Variants in FOSL2 observed in about 807,000 individuals in gnomAD.
FOSL2 encodes the protein fos-related antigen 2.
In FOSL2, 3 loss-of-function variants were observed where a neutral mutation model predicts 27.7. That is an observed-to-expected ratio of 0.11 (90% CI 0.05 to 0.28). The LOEUF is 0.28. Ranked by LOEUF, FOSL2 falls within the 10% of genes least tolerant of loss-of-function variation. The pLI is 1.00. For synonymous variants in FOSL2, 179 were observed against 190.1 expected, an observed-to-expected ratio of 0.94 and a Z score of 0.48; for missense variants, 333 against 445.1, an observed-to-expected ratio of 0.75 and a Z score of 2.27.
At chr2:28,409,630 T>G (rs1035083474) in intron 3 of FOSL2, among the ~76,000 whole-genome samples, 6 of 152,184 alleles carry the variant, frequency 3.9e-5, no homozygotes, top group Non-Finnish European at 8.8e-5. Flanking sequence ...CAGGGTTGAC[T>G]CTCCCCAGTG....
intron 1 of FOSL2, among the ~76,000 whole-genome samples, chr2:28,394,306 T>C (rs1663760324): frequency 6.6e-6 from 1 of 152,012 alleles, no homozygotes; most frequent in African/African-American, 2.4e-5. Flanking sequence ...CTGAAAGGGG[T>C]TGGGGACCCA....
rs1277630910 is a variant in FOSL2, at chr2:28,393,434, C to G, written c.-287C>G. 2 of 393,966 alleles carry G rather than the reference C, an allele frequency of 5.1e-6. No homozygotes were observed. Among genetic ancestry groups the G allele is most frequent in the African/African-American group, 4.3e-5 (2 of 46,318 alleles). 24.4% of individuals were successfully genotyped at this position (393,966 alleles called of 1,614,324 possible). On this transcript the variant is annotated 5_prime_UTR_variant, in exon 1 of 4. Transcript: ENST00000264716. The surrounding 1 kb of genome is among the most constrained non-coding windows in gnomAD (Gnocchi z 4.6). The stretch of plus-strand genomic sequence containing the variant: ...GGGAGGGCGCGCGCAGGGGAGGGAC[C>G]GAGAGACGCGCCGACTTTTTAGAGG...
intron 1 of FOSL2, among the ~76,000 whole-genome samples, chr2:28,401,882 G>A (rs982523688): frequency 1.3e-5 from 2 of 152,180 alleles, no homozygotes; most frequent in Non-Finnish European, 2.9e-5. Flanking sequence ...CCATTGTACT[G>A]GGTAACTTTC....
Position 28,413,666 on chromosome 2 carries a change from CAGGGCA to C in FOSL2, c.*1219_*1224del, listed in dbSNP as rs1364509110. On this transcript the variant is annotated 3_prime_UTR_variant, in exon 4 of 4. Transcript: ENST00000264716. ...CCTGTCCTGGCTGCTCACCTCCCCG[CAGGGCA>C]CCGGGCCTTTCCTGCCCTCTGTGGT... 2.5e-6 allele frequency: 1 copy of C among 398,998 alleles called. No homozygotes were observed. Among genetic ancestry groups the C allele is most frequent in the African/African-American group, 2.1e-5 (1 of 48,658 alleles). 24.7% of individuals were successfully genotyped at this position (398,998 alleles called of 1,614,324 possible). A position where few individuals can be genotyped will look rare whatever the true frequency, so the allele number is the denominator to read the frequency against.
chr2:28,397,929 A>G (rs1460730450), intron 1 of FOSL2, among the ~76,000 whole-genome samples: 2 of 152,248 alleles, frequency 1.3e-5, no homozygotes, highest in Non-Finnish European at 2.9e-5. Flanking sequence ...CGAGTCTGAC[A>G]TACAAGTCTG....
rs1010805920 is a variant in FOSL2 at position 28,417,211 on chromosome 2, T to C, written c.*4763T>C. On this transcript the variant is annotated 3_prime_UTR_variant, in exon 4 of 4. Transcript: ENST00000264716. ...GCTTGCTGCTATGGAAGAAAGAACA[T>C]ATTAAAACTTCTTTCCCTTGCGATT... is the stretch of plus-strand genomic sequence containing the variant. 6.6e-6 allele frequency: 1 copy of C among 152,056 alleles called. No homozygotes were observed. The highest frequency in any genetic ancestry group is 6.6e-5 in the Admixed American group (1 of 15,258). 9.4% of individuals were successfully genotyped at this position (152,056 alleles called of 1,614,324 possible).
At chr2:28,402,367 C>T (rs560150471) in intron 1 of FOSL2, among the ~76,000 whole-genome samples, 2 of 152,368 alleles carry the variant, frequency 1.3e-5, no homozygotes, top group Non-Finnish European at 2.9e-5. Context: ...ATGAGGCAGC[C>T]GTTCCAACAT....
intron 1 of FOSL2, among the ~76,000 whole-genome samples, chr2:28,400,796 G>A (rs1239346018): frequency 6.6e-6 from 1 of 152,220 alleles, no homozygotes; most frequent in Non-Finnish European, 1.5e-5. Context: ...TCCAGAGCGG[G>A]TGGACTAGAG....
At chr2:28,398,378 G>C (rs1663902509) in intron 1 of FOSL2, among the ~76,000 whole-genome samples, 1 of 152,160 alleles carries the variant, frequency 6.6e-6, no homozygotes, top group Non-Finnish European at 1.5e-5. Context: ...TCCCGTGGCA[G>C]TGAGACTTTC....
At chr2:28,397,686 C>T (rs1434595044) in intron 1 of FOSL2, among the ~76,000 whole-genome samples, 1 of 152,218 alleles carries the variant, frequency 6.6e-6, no homozygotes, top group Non-Finnish European at 1.5e-5. Context: ...AATACAAACA[C>T]AGCAGAACTT....
In FOSL2 at chr2:28,392,940, AAGAGGGAGAGAGAG is replaced by A; in HGVS notation, c.-776_-763del. The A allele has an allele frequency of 1.5e-6, 1 of 689,140 alleles. No individual in the cohort carries two copies. Among genetic ancestry groups the A allele is most frequent in the Non-Finnish European group, 2.7e-6 (1 of 368,376 alleles). 42.7% of individuals were successfully genotyped at this position (689,140 alleles called of 1,614,324 possible). A position where few individuals can be genotyped will look rare whatever the true frequency, so the allele number is the denominator to read the frequency against. On this transcript the variant is annotated 5_prime_UTR_variant, in exon 1 of 4. Coordinates refer to ENST00000264716, the MANE Select transcript of FOSL2 (RefSeq NM_005253.4). ...ACGAGCGGCGCTCGGCGGGGACAGA[AAGAGGGAGAGAGAG>A]AGAGAGAGAGAGGGAGAGGCGCGGC... is the stretch of plus-strand genomic sequence containing the variant.
At position 28,416,375 on chromosome 2, in the gene FOSL2, T is replaced by G. The variant is rs1276829304; in HGVS notation, c.*3927T>G. 6.6e-6 allele frequency: 1 copy of G among 152,184 alleles called. No individual in the cohort carries two copies. The highest frequency in any genetic ancestry group is 1.5e-5 in the Non-Finnish European group (1 of 68,036). The allele number at this position is 152,184 out of a possible 1,614,324, so 9.4% of individuals were successfully genotyped here. ...TTGACATTTATTTTATTATTTATTTTAAATGTTTACATCTTCTTTATGTTG... is the reference window on the plus strand; with the variant it reads ...TTGACATTTATTTTATTATTTATTTGAAATGTTTACATCTTCTTTATGTTG... On this transcript the variant is annotated 3_prime_UTR_variant, in exon 4 of 4. Coordinates refer to ENST00000264716, the MANE Select transcript of FOSL2 (RefSeq NM_005253.4).
At chr2:28,411,323 T>C (rs762971557) in intron 3 of FOSL2, among the ~76,000 whole-genome samples, 12 of 152,150 alleles carry the variant, frequency 7.9e-5, no homozygotes, top group Non-Finnish European at 1.5e-4. Context: ...GCTTAGCGTT[T>C]ATCCATCCAC....
chr2:28,393,862 C>T lies in FOSL2; in HGVS notation c.102+40C>T, dbSNP rs768260514. Reference sequence around the variant, plus strand: ...CGGTGCACCTGGCGGCGCGGGCGGACCCCTGCCCTCTTCTCGCCGCCACTG... The same window carrying T: ...CGGTGCACCTGGCGGCGCGGGCGGATCCCTGCCCTCTTCTCGCCGCCACTG... On this transcript the variant is annotated intron_variant, in intron 1 of 3. Transcript: ENST00000264716. This position sits in a 1 kb window ranked among gnomAD's most constrained non-coding sequence, Gnocchi z 4.6. 82 of 1,375,868 alleles carry T rather than the reference C, an allele frequency of 6.0e-5. No homozygotes were observed. Among genetic ancestry groups the T allele is most frequent in the Non-Finnish European group, 8.0e-5 (80 of 998,232 alleles). The allele number at this position is 1,375,868 out of a possible 1,614,324, so 85.2% of individuals were successfully genotyped here. A position where few individuals can be genotyped will look rare whatever the true frequency, so the allele number is the denominator to read the frequency against.
chr2:28,396,293 G>C (rs756485319), intron 1 of FOSL2, among the ~76,000 whole-genome samples: 19 of 151,874 alleles, frequency 1.3e-4, no homozygotes, highest in Non-Finnish European at 2.2e-4. Flanking sequence ...CTTTGGGGGT[G>C]GGGGGAGCAG....
At chr2:28,394,658 G>T (rs1179335010) in intron 1 of FOSL2, 1 of 152,318 alleles carries the variant, frequency 6.6e-6, no homozygotes, top group Non-Finnish European at 1.5e-5. Context: ...TAAAGCAGCC[G>T]GACTGGTTTG....
In FOSL2 at chr2:28,413,172, G is replaced by A. The variant is rs2148102220; in HGVS notation, c.*724G>A. The A allele has an allele frequency of 4.0e-6, 1 of 247,098 alleles. No homozygotes were observed. Among genetic ancestry groups the A allele is most frequent in the South Asian group, 1.8e-4 (1 of 5,702 alleles). The allele number at this position is 247,098 out of a possible 1,614,324, so 15.3% of individuals were successfully genotyped here. On this transcript the variant is annotated 3_prime_UTR_variant, in exon 4 of 4. Coordinates refer to ENST00000264716, the MANE Select transcript of FOSL2 (RefSeq NM_005253.4). Reference sequence around the variant, plus strand: ...CTGCCCACCTTCGGAGACGGCTTCTGGAGGAACGGCTTGGCCAGAAGACAG... The same window carrying A: ...CTGCCCACCTTCGGAGACGGCTTCTAGAGGAACGGCTTGGCCAGAAGACAG...
rs893071872 is a variant in FOSL2, at chr2:28,407,778, G to A, written c.355-981G>A. Among the ~76,000 whole-genome samples the A allele has an allele frequency of 3.3e-5, 5 of 152,320 alleles. No homozygotes were observed. In the South Asian group the frequency reaches 6.2e-4, roughly 19 times the overall value. On this transcript the variant is annotated intron_variant, in intron 2 of 3. Coordinates refer to ENST00000264716, the MANE Select transcript of FOSL2 (RefSeq NM_005253.4). ...TGCTTTGGCCCACAGCCGTCTCCTT[G>A]TGTCACCTCTGCCTGAGAGAGGCAT...
chr2:28,414,877 A>G lies in FOSL2; in HGVS notation c.*2429A>G, dbSNP rs1664281565. ...GGACTCTGAGCTACGTGCCCTGTGA[A>G]GACCCCCAGGCTTTGTCATAGGAGG... On this transcript the variant is annotated 3_prime_UTR_variant, in exon 4 of 4. Coordinates refer to ENST00000264716, the MANE Select transcript of FOSL2 (RefSeq NM_005253.4). 6.6e-6 allele frequency: 1 copy of G among 152,216 alleles called. No homozygotes were observed. Among genetic ancestry groups the G allele is most frequent in the Non-Finnish European group, 1.5e-5 (1 of 68,040 alleles). 9.4% of individuals were successfully genotyped at this position (152,216 alleles called of 1,614,324 possible). A position where few individuals can be genotyped will look rare whatever the true frequency, so the allele number is the denominator to read the frequency against.
Sources: gnomAD v4.1 joint callset for allele counts (sites outside exome capture counted in the v4.1 genomes callset) on GRCh38, gnomAD v4.1.1 for gene constraint, Gnocchi (gnomAD v3.1) non-coding constraint, MANE v1.5 for transcripts, NCBI Gene and HGNC (gene_info 2026-07-23, HGNC 2026-07-21) for gene names.